SLC9A8: variants seen among roughly 807,000 people sequenced by gnomAD.
The protein encoded by SLC9A8 is sodium/hydrogen exchanger 8.
SLC9A8 carries 48 observed loss-of-function variants against 66.6 expected under a neutral mutation model. The observed-to-expected ratio is 0.72, with a 90% CI of 0.57 to 0.92. SLC9A8 has a LOEUF of 0.92. SLC9A8 is among the 40% of genes least tolerant of loss of function. The pLI, the probability that SLC9A8 is intolerant of heterozygous loss-of-function variation, is 0.00. For missense variants in SLC9A8, 599 were observed against 747.3 expected (o/e 0.80, Z 2.31); for synonymous variants, 274 against 282.6 (o/e 0.97, Z 0.31).
chr20:49,834,384 CT>C (rs2087404365), intron 3 of SLC9A8, among the ~76,000 whole-genome samples: 1 of 36,696 alleles, frequency 2.7e-5, no homozygotes, highest in African/African-American at 1.7e-4. Flanking sequence ...TATATATATA[CT>C]GTGTATATAT....
chr20:49,882,591 TC>T (rs2146759678), intron 13 of SLC9A8, among the ~76,000 whole-genome samples: 1 of 152,296 alleles, frequency 6.6e-6, no homozygotes, highest in Non-Finnish European at 1.5e-5. Context: ...CCAAAGCTGT[TC>T]CCGCGAACCC....
chr20:49,816,582 A>C (rs1264047713), intron 2 of SLC9A8, among the ~76,000 whole-genome samples: 1 of 152,188 alleles, frequency 6.6e-6, no homozygotes, highest in Admixed American at 6.6e-5. Flanking sequence ...AGAGGTTTAG[A>C]TAAAAGACAA....
chr20:49,888,546 G>T lies in SLC9A8; in HGVS notation c.*610G>T, dbSNP rs1447401491. On this transcript the variant is annotated 3_prime_UTR_variant, in exon 16 of 16. Coordinates refer to ENST00000361573, the MANE Select transcript of SLC9A8 (RefSeq NM_015266.3). ...GGCACTTCGCAGTCTATCTCCCTGG[G>T]TAGCAGACGGCTGCTGCCCTTCTCT... The T allele has an allele frequency of 1.9e-5, 3 of 154,286 alleles. No homozygotes were observed. Among genetic ancestry groups the T allele is most frequent in the African/African-American group, 7.2e-5 (3 of 41,440 alleles). The allele number at this position is 154,286 out of a possible 1,614,324, so 9.6% of individuals were successfully genotyped here.
intron 3 of SLC9A8, 62 bp downstream of exon 3, chr20:49,823,203 C>A: frequency 8.0e-7 from 1 of 1,254,242 alleles, no homozygotes; most frequent in Non-Finnish European, 1.2e-6. Flanking sequence ...TTTTTGAGTG[C>A]CTCTTTAGTG....
chr20:49,830,574 C>G (rs952403038), intron 3 of SLC9A8: 8 of 608,214 alleles, frequency 1.3e-5, no homozygotes, highest in African/African-American at 1.3e-4. Flanking sequence ...GGGTCGCTTT[C>G]CAGAAGCTCC....
At position 49,886,299 on chromosome 20, in the gene SLC9A8, C is replaced by T. The variant is rs1389272183; in HGVS notation, c.1492-453C>T. The T allele has an allele frequency of 1.3e-5, 2 of 153,278 alleles. No individual in the cohort carries two copies. The highest frequency in any genetic ancestry group is 4.8e-5 in the African/African-American group (2 of 41,490). 9.5% of individuals were successfully genotyped at this position (153,278 alleles called of 1,614,324 possible). On this transcript the variant is annotated intron_variant, in intron 14 of 15. Coordinates refer to ENST00000361573, the MANE Select transcript of SLC9A8 (RefSeq NM_015266.3). The surrounding 1 kb of genome is among the most constrained non-coding windows in gnomAD (Gnocchi z 4.8). ...TTTCTTCGTCCCTCCCCAATTCCTA[C>T]AGGATGTGTTCCTCTCCCCTCTCCT...
At chr20:49,849,516 C>A in intron 5 of SLC9A8, 63 bp from the exon 6 acceptor site, 1 of 1,267,584 alleles carries the variant, frequency 7.9e-7, no homozygotes, top group Non-Finnish European at 1.1e-6. Context: ...GTGTGCAGGC[C>A]GTGCCTTCAC....
intron 5 of SLC9A8, among the ~76,000 whole-genome samples, chr20:49,848,021 G>T (rs1252618044): frequency 6.6e-6 from 1 of 150,830 alleles, no homozygotes; most frequent in Non-Finnish European, 1.5e-5. Flanking sequence ...GGCCCCCTGG[G>T]TTCAAGCGAT....
chr20:49,823,024 T>C (rs760019993), intron 2 of SLC9A8, 37 bp from the exon 3 acceptor site: 1 of 1,543,328 alleles, frequency 6.5e-7, no homozygotes, highest in African/African-American at 1.4e-5. Context: ...GAATTGAGTG[T>C]TTTTTTTAAA....
chr20:49,817,186 G>A (rs1020852283), intron 2 of SLC9A8, among the ~76,000 whole-genome samples: 7 of 151,560 alleles, frequency 4.6e-5, no homozygotes, highest in African/African-American at 1.5e-4. Flanking sequence ...ACGTGGTGGC[G>A]GGCACCTGTA....
At position 49,890,943 on chromosome 20, in the gene SLC9A8, G is replaced by A. The variant is rs1044816749; in HGVS notation, c.*3007G>A. On this transcript the variant is annotated 3_prime_UTR_variant, in exon 16 of 16. Transcript: ENST00000361573. ...TGGAATGCTGAAAGATGGGTGACTGGGGACCCTTCTTAAAACCTTTGGCAA... is the reference window on the plus strand; with the variant it reads ...TGGAATGCTGAAAGATGGGTGACTGAGGACCCTTCTTAAAACCTTTGGCAA... 2.0e-5 allele frequency: 3 copies of A among 152,362 alleles called. No individual in the cohort carries two copies. Among genetic ancestry groups the A allele is most frequent in the African/African-American group, 7.2e-5 (3 of 41,470 alleles). 9.4% of individuals were successfully genotyped at this position (152,362 alleles called of 1,614,324 possible). A position where few individuals can be genotyped will look rare whatever the true frequency, so the allele number is the denominator to read the frequency against.
chr20:49,844,619 TAAAAAAAAAAAA>T lies in SLC9A8; in HGVS notation c.349-397_349-386del, dbSNP rs35043669. On this transcript the variant is annotated intron_variant, in intron 4 of 15. Coordinates refer to ENST00000361573, the MANE Select transcript of SLC9A8 (RefSeq NM_015266.3). ...GGCAACATAGCGGGACCCTGTATCT[TAAAAAAAAAAAA>T]AAAAAAAAAAAAAAAAAAATTAGCC... is the stretch of plus-strand genomic sequence containing the variant. Among the ~76,000 whole-genome samples, 6 of 106,046 alleles carry T rather than the reference TAAAAAAAAAAAA, an allele frequency of 5.7e-5. No individual in the cohort carries two copies. In the South Asian group the frequency reaches 1.8e-3, roughly 32 times the overall value. 69.6% of individuals were successfully genotyped at this position (106,046 alleles called of 152,430 possible).
intron 3 of SLC9A8, among the ~76,000 whole-genome samples, chr20:49,832,604 A>C (rs1339757236): frequency 1.3e-5 from 2 of 152,122 alleles, no homozygotes; most frequent in Non-Finnish European, 2.9e-5. Context: ...CCCTCTCCCC[A>C]CTCACGGCTT....
intron 9 of SLC9A8, chr20:49,864,034 T>C (rs181536090): frequency 6.6e-5 from 10 of 152,294 alleles, no homozygotes; most frequent in Admixed American, 5.2e-4. Flanking sequence ...AAAGAAAATT[T>C]TTTCCAGTTC....
Position 49,889,897 on chromosome 20 carries a change from CTAATCT to C in SLC9A8, c.*1965_*1970del, listed in dbSNP as rs561695129. On this transcript the variant is annotated 3_prime_UTR_variant, in exon 16 of 16. Coordinates refer to ENST00000361573, the MANE Select transcript of SLC9A8 (RefSeq NM_015266.3). The stretch of plus-strand genomic sequence containing the variant: ...CAGTTTGCCAGGATTTCTTTCTTTC[CTAATCT>C]TAAATTCACAGATAAAGCAATGAAA... 7.7e-4 allele frequency: 118 copies of C among 152,340 alleles called. No homozygotes were observed. The highest frequency in any genetic ancestry group is 2.8e-3 in the African/African-American group (116 of 41,574). 9.4% of individuals were successfully genotyped at this position (152,340 alleles called of 1,614,324 possible).
chr20:49,856,590 G>A (rs762300422), intron 8 of SLC9A8, among the ~76,000 whole-genome samples: 1 of 152,230 alleles, frequency 6.6e-6, no homozygotes, highest in Non-Finnish European at 1.5e-5. Context: ...GGAAGGCCAA[G>A]GCGGGTGGAT....
Position 49,874,775 on chromosome 20 carries a change from C to G in SLC9A8, c.1029C>G (p.Thr343=), listed in dbSNP as rs1224322480. The part of the protein sequence containing the change: ...HYTHHNLSPV[T]QILMQQTLRT... ...CGCACCATAACCTCTCCCCAGTCACCCAGATCCTCATGCAGCAGACCCTCC... is the reference window on the plus strand; with the variant it reads ...CGCACCATAACCTCTCCCCAGTCACGCAGATCCTCATGCAGCAGACCCTCC... Residue 343 remains threonine, a synonymous_variant, in exon 11 of 16, where the codon ACC becomes ACG. Coordinates refer to ENST00000361573, the MANE Select transcript of SLC9A8 (RefSeq NM_015266.3). 1.9e-6 allele frequency: 3 copies of G among 1,614,068 alleles called. No homozygotes were observed. Among genetic ancestry groups the G allele is most frequent in the Non-Finnish European group, 2.5e-6 (3 of 1,179,914 alleles).
intron 8 of SLC9A8, among the ~76,000 whole-genome samples, chr20:49,861,519 G>A (rs1343048447): frequency 1.3e-5 from 2 of 152,114 alleles, no homozygotes; most frequent in Admixed American, 6.5e-5. Flanking sequence ...CTTCTGCCTG[G>A]GTGACAGAGT....
intron 5 of SLC9A8, among the ~76,000 whole-genome samples, chr20:49,847,800 T>C (rs1044376256): frequency 3.3e-5 from 5 of 152,134 alleles, no homozygotes; most frequent in Non-Finnish European, 7.3e-5. Flanking sequence ...TCTTGTATTA[T>C]GGTAACTTTA....
Sources: gnomAD v4.1 joint callset for allele counts (sites outside exome capture counted in the v4.1 genomes callset) on GRCh38, gnomAD v4.1.1 for gene constraint, Gnocchi (gnomAD v3.1) non-coding constraint, MANE v1.5 for transcripts, NCBI Gene and HGNC (gene_info 2026-07-23, HGNC 2026-07-21) for gene names.